EPB41L4A: variants seen among roughly 807,000 people sequenced by gnomAD.
EPB41L4A encodes band 4.1-like protein 4A.
A neutral mutation model predicts 108.6 loss-of-function variants in EPB41L4A; 100 were observed. That is an observed-to-expected ratio of 0.92 (90% CI 0.78 to 1.09). The LOEUF (loss-of-function observed/expected upper bound fraction) is 1.09, where lower values mean the gene tolerates loss of function less well. EPB41L4A is among the 50% of genes least tolerant of loss of function. The pLI is 0.00. For synonymous variants in EPB41L4A, 319 were observed against 289.0 expected, an observed-to-expected ratio of 1.10 and a Z score of -1.05; for missense variants, 1,030 against 842.7, an observed-to-expected ratio of 1.22 and a Z score of -2.75.
intron 12 of EPB41L4A, among the ~76,000 whole-genome samples, chr5:112,221,088 C>A (rs1748014175): frequency 6.6e-6 from 1 of 152,190 alleles, no homozygotes; most frequent in Non-Finnish European, 1.5e-5. Flanking sequence ...ATGGGGACCT[C>A]AGCCATGAAC....
At chr5:112,167,822 G>T (rs1202511773) in intron 22 of EPB41L4A, among the ~76,000 whole-genome samples, 1 of 152,086 alleles carries the variant, frequency 6.6e-6, no homozygotes, top group Non-Finnish European at 1.5e-5. Context: ...ATTAGCACAG[G>T]CCTTGCTCCA....
chr5:112,168,370 A>G (rs1760375272), intron 22 of EPB41L4A, among the ~76,000 whole-genome samples: 1 of 152,256 alleles, frequency 6.6e-6, no homozygotes. Context: ...GCTATCAGTT[A>G]ACAAAGTGAG....
chr5:112,278,390 T>A (rs1752744335), intron 3 of EPB41L4A, among the ~76,000 whole-genome samples: 1 of 151,998 alleles, frequency 6.6e-6, no homozygotes, highest in Non-Finnish European at 1.5e-5. Context: ...TAGCTGGGAT[T>A]ACAGGCACTC....
intron 1 of EPB41L4A, among the ~76,000 whole-genome samples, chr5:112,350,990 T>G (rs1475298673): frequency 6.6e-6 from 1 of 152,184 alleles, no homozygotes; most frequent in Non-Finnish European, 1.5e-5. Flanking sequence ...TGGATAAATA[T>G]CCAGTAGTGG....
rs773408860 is a variant in EPB41L4A at position 112,234,633 on chromosome 5, C to G, written c.1087+1G>C. 4 of 1,612,344 alleles carry G rather than the reference C, an allele frequency of 2.5e-6. No individual in the cohort carries two copies. The East Asian group carries it at 6.7e-5, about 27-fold the overall frequency. On this transcript the variant is annotated splice_donor_variant, in intron 12 of 22. Transcript: ENST00000261486. LOFTEE classifies it high-confidence loss of function. The stretch of plus-strand genomic sequence containing the variant: ...GATAACTCAGGGGAACCATGACTTA[C>G]CAGCTGGCTGTGTTTGTGCTATTCG...
chr5:112,318,216 T>C (rs893380417), intron 1 of EPB41L4A, among the ~76,000 whole-genome samples: 2 of 151,790 alleles, frequency 1.3e-5, no homozygotes, highest in African/African-American at 2.4e-5. Context: ...TTGATAGGAG[T>C]TCACAAAAAT....
chr5:112,224,127 T>G (rs1748281847), intron 12 of EPB41L4A, among the ~76,000 whole-genome samples: 1 of 152,148 alleles, frequency 6.6e-6, no homozygotes, highest in Admixed American at 6.5e-5. Flanking sequence ...AATTTTTGTA[T>G]TTTTAGTAGA....
rs545656070 is a variant in EPB41L4A at position 112,317,228 on chromosome 5, A to G, written c.100-9738T>C. ...ATGTTTTTCTTCACTCATCTCTGTA[A>G]TATTTCAAATTAGAGCAAAAGAAAG... is the stretch of plus-strand genomic sequence containing the variant. On this transcript the variant is annotated intron_variant, in intron 1 of 22. Coordinates refer to ENST00000261486, the MANE Select transcript of EPB41L4A (RefSeq NM_022140.5). 1.2e-3 allele frequency among the ~76,000 whole-genome samples: 184 copies of G among 152,292 alleles called. 1 individual carries two copies. Among genetic ancestry groups the G allele is most frequent in the Middle Eastern group, 0.01 (3 of 294 alleles).
chr5:112,179,911 G>C (rs1344565800), intron 18 of EPB41L4A, among the ~76,000 whole-genome samples: 2 of 152,086 alleles, frequency 1.3e-5, no homozygotes, highest in African/African-American at 4.8e-5. Flanking sequence ...AAAATCGTAA[G>C]AAACTGCCCC....
Position 112,329,380 on chromosome 5 carries a change from C to A in EPB41L4A, c.100-21890G>T, listed in dbSNP as rs149756385. ...ACCAAAGGAACACAACTGCTGATAG[C>A]TGGCTGCCTGAGTTGGAGAAAGGAC... On this transcript the variant is annotated intron_variant, in intron 1 of 22. Coordinates refer to ENST00000261486, the MANE Select transcript of EPB41L4A (RefSeq NM_022140.5). Among the ~76,000 whole-genome samples, 33 of 152,308 alleles carry A rather than the reference C, an allele frequency of 2.2e-4. 1 individual carries two copies. In the East Asian group the frequency reaches 6.2e-3, roughly 28 times the overall value.
rs770696020 is a variant in EPB41L4A at position 112,163,374 on chromosome 5, C to T, written c.*1616G>A. 1.3e-5 allele frequency: 2 copies of T among 152,138 alleles called. No individual in the cohort carries two copies. Among genetic ancestry groups the T allele is most frequent in the Non-Finnish European group, 2.9e-5 (2 of 68,042 alleles). 9.4% of individuals were successfully genotyped at this position (152,138 alleles called of 1,614,324 possible). ...ATGGTCTTTTTGCAGTAGCACATTA[C>T]TCAGTAGTCTAAACTACAGAAATAA... On this transcript the variant is annotated 3_prime_UTR_variant, in exon 23 of 23. Coordinates refer to ENST00000261486, the MANE Select transcript of EPB41L4A (RefSeq NM_022140.5).
intron 9 of EPB41L4A, among the ~76,000 whole-genome samples, chr5:112,258,678 G>T (rs999520941): frequency 2.0e-5 from 3 of 152,158 alleles, no homozygotes; most frequent in Non-Finnish European, 4.4e-5. Context: ...GCACTGACAA[G>T]TTCTGTGCCC....
intron 1 of EPB41L4A, among the ~76,000 whole-genome samples, chr5:112,321,765 CT>C (rs1755797841): frequency 6.6e-6 from 1 of 152,124 alleles, no homozygotes; most frequent in Non-Finnish European, 1.5e-5. Flanking sequence ...CCAAAATTTG[CT>C]GCAAAAGTTC....
chr5:112,409,533 G>C (rs560035608), intron 1 of EPB41L4A, among the ~76,000 whole-genome samples: 16 of 152,108 alleles, frequency 1.1e-4, no homozygotes, highest in Non-Finnish European at 2.2e-4. Flanking sequence ...ATAAGAAATT[G>C]AGGAGTCAAG....
rs1462964417 is a variant in EPB41L4A at position 112,280,183 on chromosome 5, T to G, written c.256+89A>C. The stretch of plus-strand genomic sequence containing the variant: ...TACTAGTATTCACTTCTTTCTCCAG[T>G]ACTAAAGCCCACTTCTGCACCCAAC... On this transcript the variant is annotated intron_variant, in intron 3 of 22. Coordinates refer to ENST00000261486, the MANE Select transcript of EPB41L4A (RefSeq NM_022140.5). The G allele has an allele frequency of 4.5e-6, 5 of 1,118,636 alleles. 1 individual carries two copies. Among genetic ancestry groups the G allele is most frequent in the Middle Eastern group, 3.9e-4 (2 of 5,066 alleles). 69.3% of individuals were successfully genotyped at this position (1,118,636 alleles called of 1,614,324 possible). A position where few individuals can be genotyped will look rare whatever the true frequency, so the allele number is the denominator to read the frequency against.
intron 6 of EPB41L4A, among the ~76,000 whole-genome samples, chr5:112,263,217 GTT>G (rs1672783210): frequency 6.6e-6 from 1 of 152,194 alleles, no homozygotes; most frequent in Non-Finnish European, 1.5e-5. Flanking sequence ...GCACAGAAGA[GTT>G]AAATATGCAT....
At chr5:112,247,012 C>T (rs1212492760) in intron 9 of EPB41L4A, among the ~76,000 whole-genome samples, 7 of 152,156 alleles carry the variant, frequency 4.6e-5, no homozygotes, top group African/African-American at 1.4e-4. Context: ...TTATTTTCCT[C>T]GACTGACAAT....
At chr5:112,408,660 G>GA (rs1762227585) in intron 1 of EPB41L4A, among the ~76,000 whole-genome samples, 1 of 98,586 alleles carries the variant, frequency 1.0e-5, no homozygotes, top group Non-Finnish European at 1.8e-5. Context: ...TGGGCAACAT[G>GA]GTGAGACTCC....
chr5:112,365,951 A>C (rs1355853665), intron 1 of EPB41L4A, among the ~76,000 whole-genome samples: 1 of 152,182 alleles, frequency 6.6e-6, no homozygotes, highest in Admixed American at 6.5e-5. Flanking sequence ...GTTAGCCTTT[A>C]TCTCCCCATT....
Sources: gnomAD v4.1 joint callset for allele counts (sites outside exome capture counted in the v4.1 genomes callset) on GRCh38, gnomAD v4.1.1 for gene constraint, MANE v1.5 for transcripts, NCBI Gene and HGNC (gene_info 2026-07-23, HGNC 2026-07-21) for gene names.